Variants in DAGLB observed in about 807,000 individuals in gnomAD.
DAGLB encodes the protein diacylglycerol lipase-beta.
Under a neutral mutation model 72.1 loss-of-function variants are expected in DAGLB, and 66 were observed. That is an observed-to-expected ratio of 0.92 (90% confidence interval 0.75 to 1.12). The LOEUF is 1.12. DAGLB is among the 50% of genes most tolerant of loss of function. The pLI is 0.00. For synonymous variants in DAGLB, 414 were observed against 359.5 expected, an observed-to-expected ratio of 1.15 and a Z score of -1.71; for missense variants, 1,065 against 884.9, an observed-to-expected ratio of 1.20 and a Z score of -2.58.
chr7:6,447,734 G>A lies in DAGLB; in HGVS notation c.95+14C>T. ...TCCGGTGGGCTCCACCGCCCCCGTA[G>A]CCGCCGTCCTTACCACAGCACTCGC... On this transcript the variant is annotated intron_variant, in intron 1 of 14. Coordinates refer to ENST00000297056, the MANE Select transcript of DAGLB (RefSeq NM_139179.4). 1.2e-6 allele frequency: 2 copies of A among 1,609,222 alleles called. No homozygotes were observed. The highest frequency in any genetic ancestry group is 1.1e-5 in the South Asian group (1 of 90,416).
chr7:6,433,922 A>T lies in DAGLB; in HGVS notation c.678+840T>A, dbSNP rs181595329. 3.3e-4 allele frequency among the ~76,000 whole-genome samples: 50 copies of T among 151,994 alleles called. No homozygotes were observed. In the East Asian group the frequency reaches 8.9e-3, roughly 27 times the overall value. ...GCCATCAGTTCTGCCTGTGATGTAGATTACGACATCCTCTAGAAATAACCA... is the reference window on the plus strand; with the variant it reads ...GCCATCAGTTCTGCCTGTGATGTAGTTTACGACATCCTCTAGAAATAACCA... On this transcript the variant is annotated intron_variant, in intron 4 of 14. Transcript: ENST00000297056.
chr7:6,433,851 CAA>C (rs35042230), intron 4 of DAGLB, among the ~76,000 whole-genome samples: 50,023 of 127,686 alleles, frequency 0.39, 11,895 homozygotes, highest in African/African-American at 0.68. Context: ...GACCTTGTCT[CAA>C]AAAAAAAAAA....
At chr7:6,416,435 C>T (rs956164593) in intron 11 of DAGLB, 192 bp downstream of exon 11, 50 of 694,414 alleles carry the variant, frequency 7.2e-5, no homozygotes, top group Non-Finnish European at 9.5e-5. Context: ...CCCAGCAACT[C>T]GGGAGGCTGA....
At chr7:6,432,199 A>C (rs56376835) in intron 5 of DAGLB, among the ~76,000 whole-genome samples, 3 of 152,050 alleles carry the variant, frequency 2.0e-5, no homozygotes, top group Admixed American at 2.0e-4. Flanking sequence ...AAAAATACAA[A>C]AAATTAGCTG....
intron 2 of DAGLB, among the ~76,000 whole-genome samples, chr7:6,438,597 T>C (rs1784736681): frequency 6.6e-6 from 1 of 152,098 alleles, no homozygotes; most frequent in Non-Finnish European, 1.5e-5. Context: ...CCTGGAGGGC[T>C]GGGATTCTAA....
At chr7:6,412,180 C>CT (rs1295267482) in intron 13 of DAGLB, among the ~76,000 whole-genome samples, 1 of 152,176 alleles carries the variant, frequency 6.6e-6, no homozygotes, top group African/African-American at 2.4e-5. Flanking sequence ...TCCCAAAGGG[C>CT]TGGGATTACA....
At position 6,421,714 on chromosome 7, in the gene DAGLB, T is replaced by C; in HGVS notation, c.1218+13A>G. On this transcript the variant is annotated intron_variant, in intron 9 of 14. Coordinates refer to ENST00000297056, the MANE Select transcript of DAGLB (RefSeq NM_139179.4). The stretch of plus-strand genomic sequence containing the variant: ...AGCATTCACAGGCAAGACACACGAG[T>C]CCGCGCTCATACCTTGTGTGCCAGG... 1 of 1,599,686 alleles carries C rather than the reference T, an allele frequency of 6.3e-7. No homozygotes were observed.
chr7:6,420,011 G>T (rs1562480672), intron 9 of DAGLB, among the ~76,000 whole-genome samples: 1 of 152,192 alleles, frequency 6.6e-6, no homozygotes, highest in Non-Finnish European at 1.5e-5. Context: ...GCCAGGCATG[G>T]TGGCACACGC....
At chr7:6,443,900 G>C (rs1164072395) in intron 2 of DAGLB, among the ~76,000 whole-genome samples, 1 of 152,128 alleles carries the variant, frequency 6.6e-6, no homozygotes, top group Non-Finnish European at 1.5e-5. Context: ...CAACAGGGAA[G>C]GTTTCCAACA....
rs181465915 is a variant in DAGLB, at chr7:6,447,917, A to G, written c.-75T>C. 2.0e-5 allele frequency: 29 copies of G among 1,479,486 alleles called. No individual in the cohort carries two copies. The East Asian group carries it at 2.5e-4, about 13-fold the overall frequency. The allele number at this position is 1,479,486 out of a possible 1,614,324, so 91.6% of individuals were successfully genotyped here. On this transcript the variant is annotated 5_prime_UTR_variant, in exon 1 of 15. Coordinates refer to ENST00000297056, the MANE Select transcript of DAGLB (RefSeq NM_139179.4). ...CCGAGAACAAACCAGCACCCTCCGGACGCCGCCACCAAATTATCGGCGCTC... is the reference window on the plus strand; with the variant it reads ...CCGAGAACAAACCAGCACCCTCCGGGCGCCGCCACCAAATTATCGGCGCTC...
intron 14 of DAGLB, 21 bp downstream of exon 14, chr7:6,410,109 C>T (rs1157587521): frequency 8.2e-6 from 13 of 1,577,678 alleles, no homozygotes; most frequent in Non-Finnish European, 1.1e-5. Flanking sequence ...CTGCCCACCA[C>T]ACCCACCACG....
intron 9 of DAGLB, 119 bp downstream of exon 9, chr7:6,421,608 G>C: frequency 3.1e-6 from 2 of 639,552 alleles, no homozygotes; most frequent in South Asian, 4.0e-5. Flanking sequence ...GGCAGCGCGG[G>C]AGGCGCAGGC....
At chr7:6,423,935 A>G (rs1389325590) in intron 8 of DAGLB, among the ~76,000 whole-genome samples, 1 of 151,970 alleles carries the variant, frequency 6.6e-6, no homozygotes, top group Non-Finnish European at 1.5e-5. Flanking sequence ...GCCCCCCGGG[A>G]GGAGCAGCCC....
chr7:6,439,238 G>C (rs1204052214), intron 2 of DAGLB, among the ~76,000 whole-genome samples: 2 of 148,370 alleles, frequency 1.3e-5, no homozygotes, highest in East Asian at 3.9e-4. Context: ...CTGGGCGACA[G>C]AGTGAGACTC....
chr7:6,425,668 G>C (rs543686888), intron 7 of DAGLB, among the ~76,000 whole-genome samples: 1 of 152,154 alleles, frequency 6.6e-6, no homozygotes, highest in African/African-American at 2.4e-5. Context: ...AACCCAGGAC[G>C]ACGATACGAA....
In DAGLB at chr7:6,434,943, G is replaced by A. The variant is rs1784607271; in HGVS notation, c.497C>T (p.Ser166Phe). The change falls in exon 4 of 15, where the codon TCC becomes TTC. Residue 166 changes from serine to phenylalanine, a missense_variant. Transcript: ENST00000297056. ...DPLGGKMAPY[S>F]SAGPSHLDSH... is the part of the protein sequence containing the mutation. ...ATCCAGGTGGCTGGGGCCGGCAGAG[G>A]AATATGGAGCCATTTTCCCCCCAAG... 6.2e-7 allele frequency: 1 copy of A among 1,614,074 alleles called. No homozygotes were observed. The highest frequency in any genetic ancestry group is 8.5e-7 in the Non-Finnish European group (1 of 1,180,016).
chr7:6,440,705 C>CA (rs921947874), intron 2 of DAGLB, among the ~76,000 whole-genome samples: 5 of 151,894 alleles, frequency 3.3e-5, no homozygotes, highest in Admixed American at 6.6e-5. Flanking sequence ...ATGGTTTCTA[C>CA]AAAAAAACAC....
At position 6,409,925 on chromosome 7, in the gene DAGLB, A is replaced by G; in HGVS notation, c.1931T>C (p.Leu644Pro). The G allele has an allele frequency of 6.2e-7, 1 of 1,614,136 alleles. No homozygotes were observed. The highest frequency in any genetic ancestry group is 8.5e-7 in the Non-Finnish European group (1 of 1,180,034). ...KMLTDHMPDI[L>P]MRALDSVVSD... ...GACCACGCTGTCCAAGGCCCGCATCAGGATGTCTGGCATGTGGTCGGTGAG... is the reference window on the plus strand; with the variant it reads ...GACCACGCTGTCCAAGGCCCGCATCGGGATGTCTGGCATGTGGTCGGTGAG... The change falls in exon 15 of 15, where the codon CTG becomes CCG. Residue 644 changes from leucine (L) to proline (P), a missense_variant. Transcript: ENST00000297056.
Position 6,409,950 on chromosome 7 carries a change from G to C in DAGLB, c.1906C>G (p.Leu636Val), listed in dbSNP as rs771359779. The C allele has an allele frequency of 1.7e-5, 27 of 1,614,024 alleles. No individual in the cohort carries two copies. Among genetic ancestry groups the C allele is most frequent in the African/African-American group, 2.7e-5 (2 of 74,930 alleles). ...FSKILIGPKM[L>V]TDHMPDILMR... ...AGGATGTCTGGCATGTGGTCGGTGAGCATCTTCGGACCTATGAGTATTTTG... is the reference window on the plus strand; with the variant it reads ...AGGATGTCTGGCATGTGGTCGGTGACCATCTTCGGACCTATGAGTATTTTG... The change falls in exon 15 of 15, where the codon CTC becomes GTC. Residue 636 changes from leucine (L) to valine (V), a missense_variant. Transcript: ENST00000297056.
Sources: allele counts gnomAD v4.1 joint callset (sites outside exome capture counted in the v4.1 genomes callset), GRCh38; gene constraint gnomAD v4.1.1; transcripts MANE v1.5; gene names NCBI Gene and HGNC (gene_info 2026-07-23, HGNC 2026-07-21).